Variants in ABRA observed in about 807,000 individuals in gnomAD.
ABRA encodes the protein actin-binding Rho-activating protein.
ABRA carries 25 observed loss-of-function variants against 33.4 expected under a neutral mutation model. The observed-to-expected ratio is 0.75, with a 90% CI of 0.55 to 1.04. ABRA has a LOEUF of 1.04. Ranked by LOEUF, ABRA falls within the 50% of genes least tolerant of loss-of-function variation. The probability of loss-of-function intolerance (pLI) is 0.00; values close to 1 mark genes in which losing one functional copy is unlikely to be tolerated. For synonymous variants in ABRA, 193 were observed against 176.8 expected, an observed-to-expected ratio of 1.09 and a Z score of -0.73; for missense variants, 501 against 491.7, an observed-to-expected ratio of 1.02 and a Z score of -0.18.
chr8:106,763,295 A>G (rs920714641), intron 1 of ABRA, among the ~76,000 whole-genome samples: 7 of 152,192 alleles, frequency 4.6e-5, no homozygotes, highest in Admixed American at 3.3e-4. Context: ...TACGCTTGCT[A>G]TATCGTTTCA....
At chr8:106,762,229 A>G (rs1389188876) in intron 1 of ABRA, among the ~76,000 whole-genome samples, 2 of 152,206 alleles carry the variant, frequency 1.3e-5, no homozygotes, top group African/African-American at 2.4e-5. Flanking sequence ...TAAAGTCACA[A>G]AACTGTTAAG....
At chr8:106,769,388 G>A in intron 1 of ABRA, 135 bp downstream of exon 1, 1 of 1,244,978 alleles carries the variant, frequency 8.0e-7, no homozygotes, top group Non-Finnish European at 1.1e-6. Context: ...CTCCTCTACA[G>A]TACTCACTGC....
At chr8:106,765,721 T>C (rs776048183) in intron 1 of ABRA, among the ~76,000 whole-genome samples, 3 of 152,222 alleles carry the variant, frequency 2.0e-5, no homozygotes, top group African/African-American at 2.4e-5. Context: ...TCCTTGCAGA[T>C]TGAACTGTCT....
rs754892160 is a variant in ABRA, at chr8:106,770,230, G to A, written c.-40C>T. 151 of 1,567,132 alleles carry A rather than the reference G, an allele frequency of 9.6e-5. No individual in the cohort carries two copies. Among genetic ancestry groups the A allele is most frequent in the Non-Finnish European group, 1.2e-4 (145 of 1,163,526 alleles). On this transcript the variant is annotated 5_prime_UTR_variant, in exon 1 of 2. Coordinates refer to ENST00000311955, the MANE Select transcript of ABRA (RefSeq NM_139166.5). ...TTTCTCTGCTGATAGCCTGGACACTGGCTAAAATGAGTGTGGTCCAGTGGA... is the reference window on the plus strand; with the variant it reads ...TTTCTCTGCTGATAGCCTGGACACTAGCTAAAATGAGTGTGGTCCAGTGGA...
intron 1 of ABRA, among the ~76,000 whole-genome samples, chr8:106,766,728 T>C (rs1836226855): frequency 1.3e-5 from 2 of 152,218 alleles, no homozygotes; most frequent in Admixed American, 1.3e-4. Context: ...CCTAGCATCT[T>C]GAAGGGCTGG....
chr8:106,769,933 T>G lies in ABRA; in HGVS notation c.258A>C (p.Pro86=). ...QSAPKSPPRL[P]EGHGDGQSSE... is the part of the protein sequence containing the mutation. ...AGCTTTGTCCATCTCCATGTCCTTC[T>G]GGCAGGCGGGGTGGCGACTTTGGGG... Residue 86 remains proline, a synonymous_variant, in exon 1 of 2, where the codon CCA becomes CCC. Transcript: ENST00000311955. 1 of 1,614,172 alleles carries G rather than the reference T, an allele frequency of 6.2e-7. No individual in the cohort carries two copies. Among genetic ancestry groups the G allele is most frequent in the Non-Finnish European group, 8.5e-7 (1 of 1,180,016 alleles).
rs1243397556 is a variant in ABRA, at chr8:106,760,319, G to C, written c.*718C>G. 6.6e-6 allele frequency: 1 copy of C among 152,148 alleles called. No individual in the cohort carries two copies. Among genetic ancestry groups the C allele is most frequent in the Non-Finnish European group, 1.5e-5 (1 of 68,020 alleles). 9.4% of individuals were successfully genotyped at this position (152,148 alleles called of 1,614,324 possible). A position where few individuals can be genotyped will look rare whatever the true frequency, so the allele number is the denominator to read the frequency against. ...TTTGCTGAAATCAAACAAGAGGAAG[G>C]TGAACTCTTACTGGAAACCTGTTAG... On this transcript the variant is annotated 3_prime_UTR_variant, in exon 2 of 2. Transcript: ENST00000311955.
chr8:106,770,179 G>T lies in ABRA; in HGVS notation c.12C>A (p.Gly4=), dbSNP rs753793249. ...CTGGGCCCTCCCCGCTTTCCTTTTC[G>T]CCCGGAGCCATGCTGCCCACCTGTC... The part of the protein sequence containing the change: MAP[G]EKESGEGPAK... The change falls in exon 1 of 2, where the codon GGC becomes GGA. Residue 4 remains glycine, a synonymous_variant. Coordinates refer to ENST00000311955, the MANE Select transcript of ABRA (RefSeq NM_139166.5). 6.2e-7 allele frequency: 1 copy of T among 1,605,992 alleles called. No homozygotes were observed.
intron 1 of ABRA, 88 bp downstream of exon 1, chr8:106,769,435 A>G (rs1810560701): frequency 1.3e-6 from 2 of 1,517,594 alleles, no homozygotes; most frequent in East Asian, 2.3e-5. Context: ...TAACCCTGGC[A>G]GGACTTCATC....
intron 1 of ABRA, among the ~76,000 whole-genome samples, chr8:106,764,744 T>C (rs1454055496): frequency 6.6e-6 from 1 of 152,116 alleles, no homozygotes; most frequent in East Asian, 1.9e-4. Context: ...TATTGTCAAA[T>C]TGTAATGCCC....
At chr8:106,766,543 G>A (rs1836224302) in intron 1 of ABRA, among the ~76,000 whole-genome samples, 1 of 152,180 alleles carries the variant, frequency 6.6e-6, no homozygotes, top group African/African-American at 2.4e-5. Flanking sequence ...AAATTCCCAT[G>A]AGGCTTCTGC....
chr8:106,769,824 C>A lies in ABRA; in HGVS notation c.367G>T (p.Asp123Tyr), dbSNP rs780183091. 6.2e-7 allele frequency: 1 copy of A among 1,614,160 alleles called. No individual in the cohort carries two copies. Among genetic ancestry groups the A allele is most frequent in the East Asian group, 2.2e-5 (1 of 44,890 alleles). The change falls in exon 1 of 2, where the codon GAC becomes TAC. Residue 123 changes from aspartate to tyrosine, a missense_variant. Physicochemically the swap from Asp to Tyr is radical, Grantham distance 160 (BLOSUM62 -3). Transcript: ENST00000311955. ...VVSKTYERGG[D>Y]VSHLSHRYER... ...TACCTGTGGCTGAGGTGGCTCACGTCCCCTCCTCTCTCATAAGTCTTGCTG... is the reference window on the plus strand; with the variant it reads ...TACCTGTGGCTGAGGTGGCTCACGTACCCTCCTCTCTCATAAGTCTTGCTG...
chr8:106,769,477 T>G (rs1810561273), intron 1 of ABRA, 46 bp downstream of exon 1: 1 of 1,576,974 alleles, frequency 6.3e-7, no homozygotes, highest in African/African-American at 1.3e-5. Context: ...TGGTTGGGGC[T>G]CAATAGTGAT....
intron 1 of ABRA, among the ~76,000 whole-genome samples, chr8:106,768,046 G>A (rs541024601): frequency 1.3e-5 from 2 of 151,714 alleles, no homozygotes; most frequent in South Asian, 4.2e-4. Context: ...AGTGAGCCGA[G>A]GTCGTGCCAC....
In ABRA at chr8:106,760,826, C is replaced by T. The variant is rs1836124186; in HGVS notation, c.*211G>A. On this transcript the variant is annotated 3_prime_UTR_variant, in exon 2 of 2. Coordinates refer to ENST00000311955, the MANE Select transcript of ABRA (RefSeq NM_139166.5). ...TATTAATACTATTATTATACATTAA[C>T]ATTCTATGTGCTTTCTGAAATGCTT... 1 of 573,324 alleles carries T rather than the reference C, an allele frequency of 1.7e-6. No individual in the cohort carries two copies. 35.5% of individuals were successfully genotyped at this position (573,324 alleles called of 1,614,324 possible). A position where few individuals can be genotyped will look rare whatever the true frequency, so the allele number is the denominator to read the frequency against.
At chr8:106,761,635 A>C in intron 1 of ABRA, 121 bp from the exon 2 acceptor site, 1 of 781,384 alleles carries the variant, frequency 1.3e-6, no homozygotes, top group South Asian at 2.1e-5. Flanking sequence ...CACTACAAAA[A>C]TAAACACAAT....
In ABRA at chr8:106,760,149, A is replaced by G. The variant is rs1195854230; in HGVS notation, c.*888T>C. The G allele has an allele frequency of 6.6e-6, 1 of 152,198 alleles. No individual in the cohort carries two copies. The highest frequency in any genetic ancestry group is 1.5e-5 in the Non-Finnish European group (1 of 68,022). The allele number at this position is 152,198 out of a possible 1,614,324, so 9.4% of individuals were successfully genotyped here. ...TAATGCAAGCAGCTTGACTCGTTATATGCTGACATGTAATGAAACAATAAA... is the reference window on the plus strand; with the variant it reads ...TAATGCAAGCAGCTTGACTCGTTATGTGCTGACATGTAATGAAACAATAAA... On this transcript the variant is annotated 3_prime_UTR_variant, in exon 2 of 2. Transcript: ENST00000311955.
At chr8:106,767,634 G>C (rs761311417) in intron 1 of ABRA, among the ~76,000 whole-genome samples, 8 of 152,198 alleles carry the variant, frequency 5.3e-5, no homozygotes, top group Non-Finnish European at 1.0e-4. Context: ...TGAGTGAATA[G>C]CTACTCAAAG....
At chr8:106,766,998 A>G (rs781092061) in intron 1 of ABRA, among the ~76,000 whole-genome samples, 3 of 152,204 alleles carry the variant, frequency 2.0e-5, no homozygotes, top group African/African-American at 4.8e-5. Context: ...GAACCCCAAG[A>G]TGGGTCCTGT....
Sources: allele counts gnomAD v4.1 joint callset (sites outside exome capture counted in the v4.1 genomes callset), GRCh38; gene constraint gnomAD v4.1.1; transcripts MANE v1.5; gene names NCBI Gene and HGNC (gene_info 2026-07-23, HGNC 2026-07-21).